THSD7B: variants seen among roughly 807,000 people sequenced by gnomAD.
THSD7B encodes the protein thrombospondin type 1 domain containing 7B, also known as thrombospondin type-1 domain-containing protein 7B.
Under a neutral mutation model 213.6 loss-of-function variants are expected in THSD7B, and 138 were observed. The ratio of observed to expected loss-of-function variants is 0.65; its 90% CI spans 0.56 to 0.74. THSD7B has a LOEUF of 0.74. Ranked by LOEUF, THSD7B falls within the 30% of genes least tolerant of loss-of-function variation. The pLI is 0.00. For missense variants in THSD7B, 1,931 were observed against 1,991.5 expected (o/e 0.97, Z 0.58); for synonymous variants, 742 against 687.0 (o/e 1.08, Z -1.25).
chr2:137,328,986 G>T (rs1684432133), intron 12 of THSD7B, among the ~76,000 whole-genome samples: 1 of 152,160 alleles, frequency 6.6e-6, no homozygotes, highest in Non-Finnish European at 1.5e-5. Flanking sequence ...AGCAGTGTGA[G>T]AATGGACTAA....
chr2:137,213,739 C>T (rs1337061465), intron 7 of THSD7B, among the ~76,000 whole-genome samples: 1 of 152,008 alleles, frequency 6.6e-6, no homozygotes, highest in African/African-American at 2.4e-5. Context: ...CTTGAAATCT[C>T]AGCCAGCTTT....
At chr2:137,333,551 G>A (rs1684564578) in intron 12 of THSD7B, among the ~76,000 whole-genome samples, 1 of 152,092 alleles carries the variant, frequency 6.6e-6, no homozygotes, top group African/African-American at 2.4e-5. Flanking sequence ...TCTGGCCCTT[G>A]GCACATCCTG....
chr2:137,476,970 G>A (rs1463267145), intron 15 of THSD7B, among the ~76,000 whole-genome samples: 1 of 152,222 alleles, frequency 6.6e-6, no homozygotes, highest in Non-Finnish European at 1.5e-5. Flanking sequence ...ATGTGCTGAT[G>A]AGAAGAATGT....
chr2:136,951,956 G>T (rs1161403799), intron 2 of THSD7B, among the ~76,000 whole-genome samples: 1 of 152,044 alleles, frequency 6.6e-6, no homozygotes. Context: ...TGCAACCTCC[G>T]CCTCTTGGGT....
At chr2:137,318,671 C>T (rs1413734064) in intron 12 of THSD7B, among the ~76,000 whole-genome samples, 2 of 151,900 alleles carry the variant, frequency 1.3e-5, no homozygotes, top group African/African-American at 2.4e-5. Context: ...GATTCAGAAC[C>T]TAATTGTCTG....
chr2:136,891,292 A>G (rs1683854100), intron 2 of THSD7B, among the ~76,000 whole-genome samples: 1 of 152,078 alleles, frequency 6.6e-6, no homozygotes, highest in Admixed American at 6.6e-5. Context: ...ATTATTGGCT[A>G]TCTCTTTAGT....
intron 1 of THSD7B, among the ~76,000 whole-genome samples, chr2:136,778,733 C>T (rs1379286330): frequency 2.6e-5 from 4 of 152,002 alleles, no homozygotes; most frequent in African/African-American, 7.2e-5. Flanking sequence ...GAAACCGTCA[C>T]CTTAAGGAAG....
chr2:137,504,413 G>A (rs990794709), intron 15 of THSD7B, among the ~76,000 whole-genome samples: 1 of 152,186 alleles, frequency 6.6e-6, no homozygotes, highest in African/African-American at 2.4e-5. Context: ...CTCATGCCAT[G>A]CTGCTGAAAA....
At position 137,663,449 on chromosome 2, in the gene THSD7B, T is replaced by C; in HGVS notation, c.4525T>C (p.Cys1509Arg). ...IMKSNGFLDY[C>R]MKVPGSEDKK... ...GAAATCAAATGGTTTCCTGGATTAC[T>C]GCATGAAAGTACCAGGCTCAGAGGA... The change falls in exon 26 of 28, where the codon TGC becomes CGC. Residue 1509 changes from cysteine (C) to arginine (R), a missense_variant. Physicochemically the swap from Cys to Arg is radical, Grantham distance 180. Coordinates refer to ENST00000409968, the MANE Select transcript of THSD7B (RefSeq NM_001316349.2). 1 of 1,596,100 alleles carries C rather than the reference T, an allele frequency of 6.3e-7. No homozygotes were observed. Among genetic ancestry groups the C allele is most frequent in the Non-Finnish European group, 8.5e-7 (1 of 1,170,194 alleles).
chr2:137,345,369 G>GA (rs1424060958), intron 12 of THSD7B, among the ~76,000 whole-genome samples: 1 of 151,324 alleles, frequency 6.6e-6, no homozygotes, highest in African/African-American at 2.4e-5. Context: ...GAGACATAAG[G>GA]AAAAAAATAA....
chr2:137,179,078 A>C (rs1321934340), intron 7 of THSD7B, among the ~76,000 whole-genome samples: 1 of 152,018 alleles, frequency 6.6e-6, no homozygotes, highest in African/African-American at 2.4e-5. Context: ...TTCTGTTCCC[A>C]TTCTATATGA....
intron 5 of THSD7B, among the ~76,000 whole-genome samples, chr2:137,149,883 C>T (rs545918780): frequency 1.3e-3 from 195 of 152,212 alleles, no homozygotes; most frequent in African/African-American, 4.5e-3. Context: ...CTTGGACTTT[C>T]GGGTTAATGC....
intron 25 of THSD7B, among the ~76,000 whole-genome samples, chr2:137,662,375 G>T (rs1003119874): frequency 6.6e-6 from 1 of 150,864 alleles, no homozygotes; most frequent in Non-Finnish European, 1.5e-5. Flanking sequence ...GAGCCACAGC[G>T]CCCGGCCAGG....
intron 6 of THSD7B, among the ~76,000 whole-genome samples, chr2:137,165,223 A>G (rs910651779): frequency 6.6e-6 from 1 of 152,130 alleles, no homozygotes; most frequent in Non-Finnish European, 1.5e-5. Context: ...AGTCACTGAC[A>G]GGAGGGATGG....
Position 136,935,151 on chromosome 2 carries a change from G to C in THSD7B, c.139+52834G>C, listed in dbSNP as rs116324921. ...TCAAACACTTCTAAGAAATGATTCA[G>C]ATATAAAACTACCTTTTTTTCTGTG... On this transcript the variant is annotated intron_variant, in intron 2 of 27. Coordinates refer to ENST00000409968, the MANE Select transcript of THSD7B (RefSeq NM_001316349.2). Among the ~76,000 whole-genome samples the C allele has an allele frequency of 8.4e-3, 1,284 of 152,244 alleles. 20 individuals carry two copies. The highest frequency in any genetic ancestry group is 0.03 in the African/African-American group (1,229 of 41,550).
rs1687817652 is a variant in THSD7B at position 137,458,592 on chromosome 2, ATT to A, written c.3138+7571_3138+7572del. Among the ~76,000 whole-genome samples, 3 of 152,098 alleles carry A rather than the reference ATT, an allele frequency of 2.0e-5. No homozygotes were observed. The South Asian group carries it at 6.2e-4, about 31-fold the overall frequency. On this transcript the variant is annotated intron_variant, in intron 15 of 27. Coordinates refer to ENST00000409968, the MANE Select transcript of THSD7B (RefSeq NM_001316349.2). Reference sequence around the variant, plus strand: ...CAAGCGGAAAGCTTGCTCAAATTTAATTTGTTTTCAGTCAGAATTTCATAATT... The same window carrying A: ...CAAGCGGAAAGCTTGCTCAAATTTAATGTTTTCAGTCAGAATTTCATAATT...
chr2:136,883,890 T>A (rs2104993060), intron 2 of THSD7B, among the ~76,000 whole-genome samples: 1 of 152,350 alleles, frequency 6.6e-6, no homozygotes, highest in Admixed American at 6.5e-5. Context: ...ATTCATTACT[T>A]CTTTCCCTCC....
chr2:137,545,653 A>G (rs1375793560), intron 15 of THSD7B, among the ~76,000 whole-genome samples: 3 of 151,928 alleles, frequency 2.0e-5, no homozygotes, highest in Non-Finnish European at 4.4e-5. Flanking sequence ...CTAAGGAGTC[A>G]TATTTTAACA....
chr2:136,899,831 C>T (rs1684035375), intron 2 of THSD7B, among the ~76,000 whole-genome samples: 1 of 152,176 alleles, frequency 6.6e-6, no homozygotes. Flanking sequence ...AGTATAAGTT[C>T]TAAAGTTCTT....
Sources: allele counts gnomAD v4.1 joint callset (sites outside exome capture counted in the v4.1 genomes callset), GRCh38; gene constraint gnomAD v4.1.1; transcripts MANE v1.5; gene names NCBI Gene and HGNC (gene_info 2026-07-23, HGNC 2026-07-21).